The following PRKDC variants were observed in gnomAD, a reference collection of about 807,000 sequenced individuals.
PRKDC encodes the protein protein kinase, DNA-activated, catalytic subunit.
Under a neutral mutation model 486.9 loss-of-function variants are expected in PRKDC, and 82 were observed. The observed-to-expected ratio is 0.17, with a 90% CI of 0.14 to 0.20. PRKDC has a LOEUF of 0.20. Among genes scored for constraint, PRKDC ranks in the 10% least tolerant of loss-of-function variants. The pLI is 1.00. For missense variants in PRKDC, 4,504 were observed against 5,038.2 expected (o/e 0.89, Z 3.21); for synonymous variants, 1,895 against 1,837.0 (o/e 1.03, Z -0.81).
chr8:47,944,136 T>A, intron 7 of PRKDC, 107 bp from the exon 8 acceptor site: 2 of 932,920 alleles, frequency 2.1e-6, no homozygotes, highest in Non-Finnish European at 3.3e-6. Context: ...TCTTGTGAAT[T>A]CAGGAGAAAC....
chr8:47,812,767 C>A (rs1295907176), intron 68 of PRKDC, among the ~76,000 whole-genome samples: 3 of 151,682 alleles, frequency 2.0e-5, no homozygotes, highest in African/African-American at 7.3e-5. Context: ...AGAAAACAGA[C>A]AAATAATAAA....
chr8:47,881,079 AAAGCAAGAAAGCAAGC>A (rs1406023316), intron 38 of PRKDC, among the ~76,000 whole-genome samples: 1 of 151,006 alleles, frequency 6.6e-6, no homozygotes, highest in Non-Finnish European at 1.5e-5. Flanking sequence ...AGAAAGCAAG[AAAGCAAGAAAGCAAGC>A]AAGCAAGCAA....
At position 47,820,941 on chromosome 8, in the gene PRKDC, T is replaced by C; in HGVS notation, c.9114A>G (p.Glu3038=). The change falls in exon 66 of 86, where the codon GAA becomes GAG. Residue 3038 remains glutamate, a splice_region_variant and synonymous_variant. Transcript: ENST00000314191. ...NKIWSEPFYQ[E]TYLPYMIRSK... is the part of the protein sequence containing the mutation. ...TGCGGATCATGTAAGGTAGATATGT[T>C]TCCTAAGGAACATAAAAATATACTT... The C allele has an allele frequency of 6.4e-7, 1 of 1,558,342 alleles. No individual in the cohort carries two copies. Among genetic ancestry groups the C allele is most frequent in the Non-Finnish European group, 8.7e-7 (1 of 1,149,238 alleles).
intron 1 of PRKDC, 22 bp from the exon 2 acceptor site, chr8:47,957,453 C>T (rs1563825011): frequency 6.5e-7 from 1 of 1,548,000 alleles, no homozygotes; most frequent in South Asian, 1.2e-5. Flanking sequence ...AATAAGTAAA[C>T]AAGTTAAGAG....
chr8:47,805,980 A>C, intron 69 of PRKDC, among the ~76,000 whole-genome samples: 1 of 152,110 alleles, frequency 6.6e-6, no homozygotes, highest in Non-Finnish European at 1.5e-5. Flanking sequence ...GCATGCATGG[A>C]ACCTTCAATG....
At chr8:47,904,113 C>T (rs2089730576) in intron 26 of PRKDC, among the ~76,000 whole-genome samples, 1 of 152,184 alleles carries the variant, frequency 6.6e-6, no homozygotes, top group Non-Finnish European at 1.5e-5. Flanking sequence ...ACTGCCTCTG[C>T]CCTCAGTGAG....
At chr8:47,797,300 A>T (rs1272850716) in intron 73 of PRKDC, among the ~76,000 whole-genome samples, 1 of 152,232 alleles carries the variant, frequency 6.6e-6, no homozygotes, top group Non-Finnish European at 1.5e-5. Flanking sequence ...TATTGGAAAA[A>T]AATAAAATCA....
chr8:47,836,576 G>C (rs186920211), intron 57 of PRKDC, 49 bp from the exon 58 acceptor site: 15 of 1,464,494 alleles, frequency 1.0e-5, no homozygotes, highest in East Asian at 5.0e-5. Context: ...ATGAAATAAT[G>C]CTCCTTTTTT....
chr8:47,844,752 T>C (rs1421600212), intron 54 of PRKDC, among the ~76,000 whole-genome samples: 1 of 151,980 alleles, frequency 6.6e-6, no homozygotes, highest in Non-Finnish European at 1.5e-5. Context: ...ACCATACAAT[T>C]ACATAAAAAT....
In PRKDC at chr8:47,900,416, G is replaced by A. The variant is rs776477289; in HGVS notation, c.3321C>T (p.Tyr1107=). 13 of 1,612,000 alleles carry A rather than the reference G, an allele frequency of 8.1e-6. No individual in the cohort carries two copies. The highest frequency in any genetic ancestry group is 2.2e-5 in the East Asian group (1 of 44,854). Residue 1107 remains tyrosine (Y), a synonymous_variant, in exon 28 of 86, where the codon TAC becomes TAT. Coordinates refer to ENST00000314191, the MANE Select transcript of PRKDC (RefSeq NM_006904.7). ...EQFVFEALVI[Y]MESLALAHAD... is the part of the protein sequence containing the mutation. Reference sequence around the variant, plus strand: ...CATGTGCTAAGGCCAGACTCTCCATGTATATCACCAAGGCTTCAAACACAA... The same window carrying A: ...CATGTGCTAAGGCCAGACTCTCCATATATATCACCAAGGCTTCAAACACAA...
At chr8:47,890,575 C>A (rs753618595) in intron 31 of PRKDC, 95 bp from the exon 32 acceptor site, 1 of 903,042 alleles carries the variant, frequency 1.1e-6, no homozygotes, top group Admixed American at 3.1e-5. Context: ...GCATGGTATA[C>A]GTTCAGCAAA....
intron 7 of PRKDC, among the ~76,000 whole-genome samples, chr8:47,950,241 C>T (rs2090605087): frequency 2.0e-5 from 3 of 148,890 alleles, no homozygotes; most frequent in Admixed American, 1.4e-4. Flanking sequence ...CATTGCACTC[C>T]AGGCTGGGTG....
At chr8:47,786,616 A>G (rs548006643) in intron 76 of PRKDC, among the ~76,000 whole-genome samples, 4 of 152,178 alleles carry the variant, frequency 2.6e-5, no homozygotes, top group Non-Finnish European at 5.9e-5. Flanking sequence ...AATGGCTCAT[A>G]ATTTCTGATA....
intron 59 of PRKDC, 74 bp from the exon 60 acceptor site, chr8:47,832,000 G>C (rs773879275): frequency 4.3e-6 from 6 of 1,387,798 alleles, no homozygotes; most frequent in Non-Finnish European, 6.0e-6. Flanking sequence ...TTTCACCTCG[G>C]GTTTCCTCAA....
intron 45 of PRKDC, among the ~76,000 whole-genome samples, 176 bp downstream of exon 45, chr8:47,860,723 A>G (rs566648673): frequency 8.5e-5 from 13 of 152,380 alleles, no homozygotes; most frequent in East Asian, 1.9e-4. Flanking sequence ...CTTTCAAAAT[A>G]TAATTCCATT....
intron 21 of PRKDC, among the ~76,000 whole-genome samples, chr8:47,919,979 C>G (rs563615606): frequency 2.6e-5 from 4 of 152,270 alleles, no homozygotes; most frequent in African/African-American, 9.6e-5. Context: ...TAACTTAAGG[C>G]GTTCCTGAAC....
intron 54 of PRKDC, among the ~76,000 whole-genome samples, chr8:47,842,425 C>G (rs1165466265): frequency 6.6e-6 from 1 of 152,048 alleles, no homozygotes; most frequent in Admixed American, 6.6e-5. Flanking sequence ...ATGCAGGAAC[C>G]TAGAGAGATC....
At chr8:47,832,132 C>T (rs1003392259) in intron 59 of PRKDC, among the ~76,000 whole-genome samples, 1 of 152,246 alleles carries the variant, frequency 6.6e-6, no homozygotes, top group African/African-American at 2.4e-5. Context: ...GGCCAGGCCC[C>T]TCCAGAGGGA....
chr8:47,819,480 G>A lies in PRKDC; in HGVS notation c.9367C>T (p.Gln3123Ter). ...NYSSIDVLLH[Q>*]SRLTKLQSVQ... is the part of the protein sequence containing the mutation. ...GACTGCAATTTGGTGAGTCTACTTT[G>A]GTGTAAGAGGACATCAATACTAGAA... is the stretch of plus-strand genomic sequence containing the variant. The change falls in exon 67 of 86, where the codon CAA (glutamine) becomes TAA (stop). Residue 3123 changes from glutamine to a stop codon, truncating the protein, a stop_gained. Transcript: ENST00000314191. LOFTEE classifies it high-confidence loss of function. 2 of 1,491,234 alleles carry A rather than the reference G, an allele frequency of 1.3e-6. No individual in the cohort carries two copies. Among genetic ancestry groups the A allele is most frequent in the Admixed American group, 2.2e-5 (1 of 45,110 alleles). 92.4% of individuals were successfully genotyped at this position (1,491,234 alleles called of 1,614,324 possible).
Sources: gnomAD v4.1 joint callset for allele counts (sites outside exome capture counted in the v4.1 genomes callset) on GRCh38, gnomAD v4.1.1 for gene constraint, MANE v1.5 for transcripts, NCBI Gene and HGNC (gene_info 2026-07-23, HGNC 2026-07-21) for gene names.